ICA1L: variants seen among roughly 807,000 people sequenced by gnomAD.
ICA1L encodes islet cell autoantigen 1 like.
Under a neutral mutation model 61.3 loss-of-function variants are expected in ICA1L, and 50 were observed. That is an observed-to-expected ratio of 0.82 (90% CI 0.65 to 1.03). The LOEUF (loss-of-function observed/expected upper bound fraction) is 1.03, where lower values mean the gene tolerates loss of function less well. Among genes scored for constraint, ICA1L ranks in the 50% least tolerant of loss-of-function variants. The pLI is 0.00. For missense variants in ICA1L, 508 were observed against 556.7 expected (o/e 0.91, Z 0.88); for synonymous variants, 161 against 191.3 (o/e 0.84, Z 1.31).
At chr2:202,789,919 GGA>G (rs1322122686) in intron 10 of ICA1L, among the ~76,000 whole-genome samples, 1 of 152,202 alleles carries the variant, frequency 6.6e-6, no homozygotes, top group African/African-American at 2.4e-5. Flanking sequence ...CAAGAAATCA[GGA>G]GAGAGACATC....
At chr2:202,864,242 G>C (rs949551277) in intron 1 of ICA1L, among the ~76,000 whole-genome samples, 1 of 151,688 alleles carries the variant, frequency 6.6e-6, no homozygotes, top group Non-Finnish European at 1.5e-5. Flanking sequence ...GATTATTACA[G>C]ATCAATTTTT....
At chr2:202,781,057 C>T (rs1437818081) in intron 12 of ICA1L, among the ~76,000 whole-genome samples, 1 of 152,144 alleles carries the variant, frequency 6.6e-6, no homozygotes, top group Non-Finnish European at 1.5e-5. Context: ...TATTGTACAG[C>T]ATTATGCAAA....
At chr2:202,809,466 T>C (rs1693314935) in intron 9 of ICA1L, among the ~76,000 whole-genome samples, 2 of 151,836 alleles carry the variant, frequency 1.3e-5, no homozygotes, top group Non-Finnish European at 2.9e-5. Flanking sequence ...CTGGGCAGCA[T>C]GGAGAAACCC....
At chr2:202,840,534 T>C (rs1694297873) in intron 1 of ICA1L, 3 of 548,222 alleles carry the variant, frequency 5.5e-6, no homozygotes, top group Middle Eastern at 5.9e-4. Flanking sequence ...GCATAGCCAC[T>C]GGTGGTCTTC....
At chr2:202,814,639 A>G (rs1413126152) in intron 8 of ICA1L, 63 bp downstream of exon 8, 6 of 1,037,056 alleles carry the variant, frequency 5.8e-6, no homozygotes, top group Non-Finnish European at 7.4e-6. Context: ...TTCTTTCCAC[A>G]TATATCATAT....
rs1055151315 is a variant in ICA1L, at chr2:202,774,451, AAAC to A, written c.*5079_*5081del. On this transcript the variant is annotated 3_prime_UTR_variant, in exon 13 of 13. Transcript: ENST00000358299. The stretch of plus-strand genomic sequence containing the variant: ...CCCCGTTCGTCCAGGCCAGCTCAAG[AAAC>A]AACTTTTTCTTTCATGTTTTTTGTA... 2 of 560,372 alleles carry A rather than the reference AAAC, an allele frequency of 3.6e-6. No individual in the cohort carries two copies. The highest frequency in any genetic ancestry group is 5.6e-6 in the Non-Finnish European group (2 of 355,884). The allele number at this position is 560,372 out of a possible 1,614,324, so 34.7% of individuals were successfully genotyped here.
At position 202,776,595 on chromosome 2, in the gene ICA1L, C is replaced by A. The variant is rs1692230271; in HGVS notation, c.*2938G>T. The stretch of plus-strand genomic sequence containing the variant: ...TAATAGAGCAAAATTTCTTTCTGAC[C>A]ACAAAAACTGCTGAGCTTCAAATAA... On this transcript the variant is annotated 3_prime_UTR_variant, in exon 13 of 13. Coordinates refer to ENST00000358299, the MANE Select transcript of ICA1L (RefSeq NM_001288622.3). The A allele has an allele frequency of 6.6e-6, 1 of 152,020 alleles. No individual in the cohort carries two copies. Among genetic ancestry groups the A allele is most frequent in the Admixed American group, 6.6e-5 (1 of 15,252 alleles). 9.4% of individuals were successfully genotyped at this position (152,020 alleles called of 1,614,324 possible). A position where few individuals can be genotyped will look rare whatever the true frequency, so the allele number is the denominator to read the frequency against.
intron 1 of ICA1L, among the ~76,000 whole-genome samples, chr2:202,854,886 C>T (rs1167488009): frequency 1.3e-5 from 2 of 151,912 alleles, no homozygotes; most frequent in African/African-American, 2.4e-5. Flanking sequence ...ATTAGCTGGG[C>T]GTGGTGGTGG....
At chr2:202,782,452 G>T (rs1692440424) in intron 12 of ICA1L, among the ~76,000 whole-genome samples, 1 of 151,266 alleles carries the variant, frequency 6.6e-6, no homozygotes, top group Non-Finnish European at 1.5e-5. Context: ...CTGTCGCCCA[G>T]GCTGGAGGGC....
chr2:202,845,865 T>C (rs2105876252), intron 1 of ICA1L, among the ~76,000 whole-genome samples: 1 of 152,316 alleles, frequency 6.6e-6, no homozygotes, highest in African/African-American at 2.4e-5. Context: ...AAATAATCTG[T>C]GAAGACTTTT....
Position 202,840,736 on chromosome 2 carries a change from G to A in ICA1L, c.-7-11720C>T, listed in dbSNP as rs1694305198. The A allele has an allele frequency of 6.7e-6, 4 of 598,406 alleles. No homozygotes were observed. The African/African-American group carries it at 7.3e-5, about 11-fold the overall frequency. 37.1% of individuals were successfully genotyped at this position (598,406 alleles called of 1,614,324 possible). The stretch of plus-strand genomic sequence containing the variant: ...CCTCCAGCTCGGAGAGCTTGGCATT[G>A]GCATCCTTAACAGCCAACTCCCCAC... On this transcript the variant is annotated intron_variant, in intron 1 of 12. Transcript: ENST00000358299.
intron 1 of ICA1L, among the ~76,000 whole-genome samples, chr2:202,846,369 C>T (rs1694464222): frequency 6.6e-6 from 1 of 151,854 alleles, no homozygotes. Context: ...TCACACTTGG[C>T]TAATTTTTTT....
intron 1 of ICA1L, among the ~76,000 whole-genome samples, chr2:202,850,696 C>T (rs140154196): frequency 0.089 from 13,545 of 152,186 alleles, 741 homozygotes; most frequent in Non-Finnish European, 0.12. Flanking sequence ...GAGAATGGAA[C>T]CAAGTTGGAA....
Position 202,777,510 on chromosome 2 carries a change from G to A in ICA1L, c.*2023C>T, listed in dbSNP as rs1258928540. ...CTGGGAAATTTCACTGAGTATAAAG[G>A]AAGACTTAAGTCTTCTGAAGAGATA... On this transcript the variant is annotated 3_prime_UTR_variant, in exon 13 of 13. Coordinates refer to ENST00000358299, the MANE Select transcript of ICA1L (RefSeq NM_001288622.3). 2.6e-5 allele frequency: 4 copies of A among 152,156 alleles called. No individual in the cohort carries two copies. Among genetic ancestry groups the A allele is most frequent in the Non-Finnish European group, 5.9e-5 (4 of 68,030 alleles). The allele number at this position is 152,156 out of a possible 1,614,324, so 9.4% of individuals were successfully genotyped here. A position where few individuals can be genotyped will look rare whatever the true frequency, so the allele number is the denominator to read the frequency against.
chr2:202,784,205 A>C (rs189128421), intron 12 of ICA1L, among the ~76,000 whole-genome samples: 64 of 152,284 alleles, frequency 4.2e-4, no homozygotes, highest in Admixed American at 2.2e-3. Flanking sequence ...TAACCCCAGC[A>C]CTTTGGGAGG....
chr2:202,848,123 C>T (rs531174095), intron 1 of ICA1L, among the ~76,000 whole-genome samples: 1 of 151,946 alleles, frequency 6.6e-6, no homozygotes, highest in Non-Finnish European at 1.5e-5. Context: ...CCACCATGCC[C>T]GGCTAATTTT....
At chr2:202,810,873 G>A (rs1211519889) in intron 9 of ICA1L, among the ~76,000 whole-genome samples, 1 of 152,070 alleles carries the variant, frequency 6.6e-6, no homozygotes, top group South Asian at 2.1e-4. Context: ...CTCCTGTAGC[G>A]CTCCCAGGCT....
intron 10 of ICA1L, among the ~76,000 whole-genome samples, chr2:202,793,606 G>C (rs370886866): frequency 6.6e-5 from 10 of 151,266 alleles, no homozygotes; most frequent in African/African-American, 1.9e-4. Flanking sequence ...TTGAACCTGG[G>C]AGGTGGAGGT....
intron 1 of ICA1L, among the ~76,000 whole-genome samples, chr2:202,862,414 T>C (rs1332112950): frequency 6.6e-6 from 1 of 151,160 alleles, no homozygotes; most frequent in African/African-American, 2.4e-5. Context: ...GCAATGATCA[T>C]GCCACCGTGC....
Sources: gnomAD v4.1 joint callset for allele counts (sites outside exome capture counted in the v4.1 genomes callset) on GRCh38, gnomAD v4.1.1 for gene constraint, MANE v1.5 for transcripts, NCBI Gene and HGNC (gene_info 2026-07-23, HGNC 2026-07-21) for gene names.